NKAIN2: variants seen among roughly 807,000 people sequenced by gnomAD.
NKAIN2 encodes the protein sodium/potassium-transporting ATPase subunit beta-1-interacting protein 2.
Under a neutral mutation model 32.6 loss-of-function variants are expected in NKAIN2, and 14 were observed. The observed-to-expected ratio is 0.43, with a 90% CI of 0.28 to 0.67. The LOEUF is 0.67. Ranked by LOEUF, NKAIN2 falls within the 30% of genes least tolerant of loss-of-function variation. The pLI is 0.17. For synonymous variants in NKAIN2, 80 were observed against 87.2 expected (o/e 0.92, Z 0.46); for missense variants, 198 against 258.3 (o/e 0.77, Z 1.60).
chr6:124,239,469 T>C (rs534468807), intron 1 of NKAIN2, among the ~76,000 whole-genome samples: 1 of 152,134 alleles, frequency 6.6e-6, no homozygotes, highest in Non-Finnish European at 1.5e-5. Flanking sequence ...GTCACACTTA[T>C]TCTAAAATTG....
chr6:124,111,850 A>G (rs1562364511), intron 1 of NKAIN2, among the ~76,000 whole-genome samples: 2 of 150,834 alleles, frequency 1.3e-5, no homozygotes, highest in East Asian at 3.9e-4. Flanking sequence ...ACAGATTTGT[A>G]TGTGTGTGTG....
rs138505782 is a variant in NKAIN2 at position 124,032,816 on chromosome 6, C to CATTGT, written c.54+228567_54+228571dup. Among the ~76,000 whole-genome samples the CATTGT allele has an allele frequency of 5.0e-4, 76 of 152,098 alleles. 4 individuals are homozygous for CATTGT. The East Asian group carries it at 0.014, about 29-fold the overall frequency. ...ATATATATGTATTGATCTGTTCCTT[C>CATTGT]ATTGTATTGCCATGGTTGCAAACCA... On this transcript the variant is annotated intron_variant, in intron 1 of 6. Transcript: ENST00000368417.
intron 1 of NKAIN2, among the ~76,000 whole-genome samples, chr6:123,974,618 G>A (rs1357390975): frequency 3.3e-5 from 5 of 152,166 alleles, no homozygotes; most frequent in Admixed American, 6.6e-5. Context: ...CTGCTTGTGC[G>A]GGCAAAAGGT....
At chr6:124,200,519 A>G (rs1790542979) in intron 1 of NKAIN2, among the ~76,000 whole-genome samples, 1 of 152,120 alleles carries the variant, frequency 6.6e-6, no homozygotes. Flanking sequence ...TGCATTTCTG[A>G]AACAAGTATA....
At chr6:124,775,559 T>G (rs1281781064) in intron 4 of NKAIN2, among the ~76,000 whole-genome samples, 1 of 152,214 alleles carries the variant, frequency 6.6e-6, no homozygotes, top group Non-Finnish European at 1.5e-5. Flanking sequence ...TTTAATCCCA[T>G]TTCATTTTCC....
chr6:124,794,424 T>A (rs1195481333), intron 5 of NKAIN2, among the ~76,000 whole-genome samples: 1 of 152,128 alleles, frequency 6.6e-6, no homozygotes, highest in Non-Finnish European at 1.5e-5. Context: ...AAGATCAAGT[T>A]ATCTCTCAAT....
At chr6:124,683,404 C>T (rs1336728458) in intron 4 of NKAIN2, among the ~76,000 whole-genome samples, 2 of 152,132 alleles carry the variant, frequency 1.3e-5, no homozygotes, top group Non-Finnish European at 2.9e-5. Flanking sequence ...GACTTAAATT[C>T]CTACATTATT....
chr6:124,510,094 C>T (rs894680679), intron 3 of NKAIN2, among the ~76,000 whole-genome samples: 6 of 151,904 alleles, frequency 3.9e-5, no homozygotes, highest in African/African-American at 1.5e-4. Context: ...GGAACAATGT[C>T]CTCACAGGAA....
chr6:124,535,617 A>C (rs769576331), intron 3 of NKAIN2, among the ~76,000 whole-genome samples: 14 of 152,196 alleles, frequency 9.2e-5, no homozygotes, highest in Non-Finnish European at 2.1e-4. Flanking sequence ...TGCCATTTAA[A>C]TGCTCCAAAA....
intron 1 of NKAIN2, among the ~76,000 whole-genome samples, chr6:124,229,797 C>T (rs1449847833): frequency 1.3e-5 from 2 of 152,114 alleles, no homozygotes; most frequent in East Asian, 1.9e-4. Flanking sequence ...TTGCCTTCTG[C>T]CATGATTATG....
intron 1 of NKAIN2, among the ~76,000 whole-genome samples, chr6:123,826,542 A>T (rs1434164589): frequency 6.6e-6 from 1 of 152,098 alleles, no homozygotes; most frequent in Non-Finnish European, 1.5e-5. Flanking sequence ...AGTACCTGGC[A>T]CTACCCTTCT....
rs78052988 is a variant in NKAIN2, at chr6:124,371,754, T to C, written c.273+16407T>C. 2.8e-3 allele frequency among the ~76,000 whole-genome samples: 425 copies of C among 151,062 alleles called. 9 individuals are homozygous for C. In the East Asian group the frequency reaches 0.074, roughly 26 times the overall value. Reference sequence around the variant, plus strand: ...AAGAGTGTAAGTTAAGTTTTAGCAGTGTTGTGTTAGAGTTTTCTTTTATAA... The same window carrying C: ...AAGAGTGTAAGTTAAGTTTTAGCAGCGTTGTGTTAGAGTTTTCTTTTATAA... On this transcript the variant is annotated intron_variant, in intron 3 of 6. Transcript: ENST00000368417.
chr6:124,160,964 A>G (rs1034465524), intron 1 of NKAIN2, among the ~76,000 whole-genome samples: 8 of 152,124 alleles, frequency 5.3e-5, no homozygotes, highest in African/African-American at 1.9e-4. Context: ...TAAAATTTCT[A>G]TATATATAGA....
At chr6:124,075,595 T>G (rs998889162) in intron 1 of NKAIN2, among the ~76,000 whole-genome samples, 1 of 152,090 alleles carries the variant, frequency 6.6e-6, no homozygotes, top group Non-Finnish European at 1.5e-5. Context: ...GTTACTTTAT[T>G]TATTTATTTA....
rs187904356 is a variant in NKAIN2, at chr6:123,960,830, C to T, written c.54+156576C>T. On this transcript the variant is annotated intron_variant, in intron 1 of 6. Coordinates refer to ENST00000368417, the MANE Select transcript of NKAIN2 (RefSeq NM_001040214.3). Reference sequence around the variant, plus strand: ...AACGTAATGATGGACCTCTGATACACGGTGTAGAGTAAGGGAGTGGGGGCT... The same window carrying T: ...AACGTAATGATGGACCTCTGATACATGGTGTAGAGTAAGGGAGTGGGGGCT... Among the ~76,000 whole-genome samples, 4 of 151,978 alleles carry T rather than the reference C, an allele frequency of 2.6e-5. No individual in the cohort carries two copies. The East Asian group carries it at 5.8e-4, about 22-fold the overall frequency.
intron 3 of NKAIN2, among the ~76,000 whole-genome samples, chr6:124,602,728 T>C (rs1782356170): frequency 6.6e-6 from 1 of 151,988 alleles, no homozygotes; most frequent in South Asian, 2.1e-4. Context: ...CAGATTTCTT[T>C]TTCTAATGTA....
At chr6:123,928,297 G>A (rs970030937) in intron 1 of NKAIN2, among the ~76,000 whole-genome samples, 1 of 152,018 alleles carries the variant, frequency 6.6e-6, no homozygotes, top group African/African-American at 2.4e-5. Context: ...CTATCTATTG[G>A]GTACTATGCT....
intron 3 of NKAIN2, among the ~76,000 whole-genome samples, chr6:124,598,186 T>C (rs1782167644): frequency 6.6e-6 from 1 of 152,184 alleles, no homozygotes; most frequent in Non-Finnish European, 1.5e-5. Flanking sequence ...TAGGAAAAAC[T>C]AGTTGTGAAT....
At chr6:124,121,917 A>G (rs889536784) in intron 1 of NKAIN2, 3 of 1,238,098 alleles carry the variant, frequency 2.4e-6, no homozygotes, top group Non-Finnish European at 3.2e-6. Context: ...TTCTCTTATT[A>G]TATTGTCCCA....
Sources: gnomAD v4.1 joint callset for allele counts (sites outside exome capture counted in the v4.1 genomes callset) on GRCh38, gnomAD v4.1.1 for gene constraint, MANE v1.5 for transcripts, NCBI Gene and HGNC (gene_info 2026-07-23, HGNC 2026-07-21) for gene names.